The following ANKFN1 variants were observed in gnomAD, a reference collection of about 807,000 sequenced individuals.
ANKFN1 encodes ankyrin repeat and fibronectin type-III domain-containing protein 1.
Under a neutral mutation model 108.7 loss-of-function variants are expected in ANKFN1, and 74 were observed. The ratio of observed to expected loss-of-function variants is 0.68; its 90% CI spans 0.56 to 0.83. ANKFN1 has a LOEUF of 0.83. Ranked by LOEUF, ANKFN1 falls within the 40% of genes least tolerant of loss-of-function variation. ANKFN1 has a pLI of 0.00. For missense variants in ANKFN1, 1,505 were observed against 1,382.3 expected (o/e 1.09, Z -1.41); for synonymous variants, 547 against 516.2 (o/e 1.06, Z -0.81).
At chr17:56,369,057 A>C (rs2144753645) in intron 6 of ANKFN1, among the ~76,000 whole-genome samples, 1 of 152,354 alleles carries the variant, frequency 6.6e-6, no homozygotes, top group Admixed American at 6.5e-5. Flanking sequence ...AAGGAAATAC[A>C]TTTATTCTAG....
At chr17:56,272,993 A>T (rs1015635575) in intron 3 of ANKFN1, among the ~76,000 whole-genome samples, 3 of 152,114 alleles carry the variant, frequency 2.0e-5, no homozygotes, top group African/African-American at 7.2e-5. Context: ...CAGCCCAAAT[A>T]TTTTTTCTAG....
intron 3 of ANKFN1, among the ~76,000 whole-genome samples, chr17:56,235,736 AT>A (rs1407847586): frequency 4.6e-5 from 7 of 152,120 alleles, no homozygotes; most frequent in Non-Finnish European, 8.8e-5. Flanking sequence ...TGCCAGTACC[AT>A]GCTATTTTGG....
intron 8 of ANKFN1, among the ~76,000 whole-genome samples, chr17:56,435,001 A>G (rs771030012): frequency 3.9e-5 from 6 of 152,078 alleles, no homozygotes; most frequent in Non-Finnish European, 8.8e-5. Flanking sequence ...ATACACTTTT[A>G]GTTTTTTTGG....
chr17:56,339,656 A>G (rs1032449897), intron 4 of ANKFN1, among the ~76,000 whole-genome samples: 2 of 152,272 alleles, frequency 1.3e-5, no homozygotes, highest in African/African-American at 4.8e-5. Context: ...TTATAGCTGC[A>G]TAGTATTCCA....
At chr17:56,325,870 C>G (rs1307081523) in intron 3 of ANKFN1, among the ~76,000 whole-genome samples, 1 of 152,150 alleles carries the variant, frequency 6.6e-6, no homozygotes, top group Non-Finnish European at 1.5e-5. Flanking sequence ...ATGTAGTGAC[C>G]CACTGCCCCT....
chr17:56,350,663 A>ATAT (rs1229891594), intron 4 of ANKFN1, 103 bp from the exon 5 acceptor site: 14 of 1,094,616 alleles, frequency 1.3e-5, no homozygotes, highest in Non-Finnish European at 1.9e-5. Context: ...ACCAGCTCTA[A>ATAT]TATTGTATTT....
chr17:56,308,713 G>A (rs1303429812), intron 3 of ANKFN1, among the ~76,000 whole-genome samples: 1 of 152,086 alleles, frequency 6.6e-6, no homozygotes, highest in Admixed American at 6.5e-5. Context: ...TTTGGTAGAT[G>A]TTCCTTATCA....
At chr17:56,339,739 C>G (rs1192936504) in intron 4 of ANKFN1, among the ~76,000 whole-genome samples, 2 of 152,148 alleles carry the variant, frequency 1.3e-5, no homozygotes, top group African/African-American at 4.8e-5. Flanking sequence ...CATGTCTTTG[C>G]TACTGTGAAT....
intron 8 of ANKFN1, among the ~76,000 whole-genome samples, chr17:56,417,472 G>A (rs1466321679): frequency 6.6e-6 from 1 of 152,202 alleles, no homozygotes; most frequent in Non-Finnish European, 1.5e-5. Context: ...TAAGAGTCAA[G>A]CCCTGCAGCA....
At chr17:56,442,773 C>A in intron 9 of ANKFN1, 70 bp from the exon 10 acceptor site, 1 of 1,345,012 alleles carries the variant, frequency 7.4e-7, no homozygotes, top group South Asian at 1.2e-5. Context: ...TTATTAAATT[C>A]TATACCCATA....
intron 4 of ANKFN1, among the ~76,000 whole-genome samples, chr17:56,334,535 A>G (rs779507156): frequency 6.6e-6 from 1 of 152,088 alleles, no homozygotes; most frequent in Non-Finnish European, 1.5e-5. Context: ...TATTTATTGA[A>G]CACCTATTTT....
chr17:56,370,058 C>T (rs1182472495), intron 6 of ANKFN1, among the ~76,000 whole-genome samples: 1 of 152,082 alleles, frequency 6.6e-6, no homozygotes, highest in Non-Finnish European at 1.5e-5. Flanking sequence ...CACATTCATT[C>T]ATATTGTGTT....
At chr17:56,161,644 T>C (rs1909662270) in intron 1 of ANKFN1, among the ~76,000 whole-genome samples, 1 of 152,178 alleles carries the variant, frequency 6.6e-6, no homozygotes, top group African/African-American at 2.4e-5. Flanking sequence ...GTGACACGTA[T>C]ATGCTTAATA....
intron 8 of ANKFN1, among the ~76,000 whole-genome samples, chr17:56,419,078 T>C (rs2048322621): frequency 2.0e-5 from 3 of 152,226 alleles, no homozygotes; most frequent in Admixed American, 1.3e-4. Flanking sequence ...GAGTTGACCA[T>C]GGGAACCAAC....
chr17:56,152,538 ATTT>A (rs1908723270), upstream of ANKFN1, among the ~76,000 whole-genome samples: 1 of 151,996 alleles, frequency 6.6e-6, no homozygotes. Flanking sequence ...CAAGTCCTCT[ATTT>A]TGTTCCCATT....
At chr17:56,260,718 C>T (rs2043488890) in intron 3 of ANKFN1, among the ~76,000 whole-genome samples, 1 of 152,172 alleles carries the variant, frequency 6.6e-6, no homozygotes, top group African/African-American at 2.4e-5. Flanking sequence ...GAATCCCTCC[C>T]AGGCCCTGCC....
intron 9 of ANKFN1, among the ~76,000 whole-genome samples, chr17:56,441,253 G>C (rs2049093623): frequency 6.6e-6 from 1 of 151,998 alleles, no homozygotes; most frequent in African/African-American, 2.4e-5. Context: ...CTTCAGATGA[G>C]GGAAGTAGAG....
intron 14 of ANKFN1, chr17:56,462,154 A>G (rs2049922621): frequency 6.6e-6 from 1 of 152,234 alleles, no homozygotes; most frequent in Admixed American, 6.5e-5. Flanking sequence ...ATGTCTGGAA[A>G]TACTGAAGGC....
chr17:56,201,817 C>T (rs1914084525), intron 1 of ANKFN1, among the ~76,000 whole-genome samples: 1 of 152,164 alleles, frequency 6.6e-6, no homozygotes, highest in Admixed American at 6.5e-5. Flanking sequence ...AGTATTTTCA[C>T]AGGGGTAAAA....
Sources: gnomAD v4.1 joint callset for allele counts (sites outside exome capture counted in the v4.1 genomes callset) on GRCh38, gnomAD v4.1.1 for gene constraint, MANE v1.5 for transcripts, NCBI Gene and HGNC (gene_info 2026-07-23, HGNC 2026-07-21) for gene names.